RABGAP1L: variants seen among roughly 807,000 people sequenced by gnomAD.
RABGAP1L encodes the protein RAB GTPase activating protein 1 like.
In RABGAP1L, 63 loss-of-function variants were observed where a neutral mutation model predicts 137.7. The ratio of observed to expected loss-of-function variants is 0.46; its 90% CI spans 0.37 to 0.56. The LOEUF (loss-of-function observed/expected upper bound fraction) is 0.56. Ranked by LOEUF, RABGAP1L falls within the 20% of genes least tolerant of loss-of-function variation. The pLI is 0.00. For synonymous variants in RABGAP1L, 431 were observed against 433.7 expected, an observed-to-expected ratio of 0.99 and a Z score of 0.08; for missense variants, 1,095 against 1,244.0, an observed-to-expected ratio of 0.88 and a Z score of 1.80.
At chr1:174,688,561 A>T (rs1678646557) in intron 15 of RABGAP1L, among the ~76,000 whole-genome samples, 1 of 152,104 alleles carries the variant, frequency 6.6e-6, no homozygotes, top group Admixed American at 6.5e-5. Context: ...TCCTAGACGT[A>T]CCTTAGTCAA....
chr1:174,738,452 A>G (rs1430159368), intron 17 of RABGAP1L, among the ~76,000 whole-genome samples: 4 of 152,290 alleles, frequency 2.6e-5, no homozygotes, highest in Admixed American at 2.6e-4. Context: ...TGTAAAATAT[A>G]TAGAAATCAG....
intron 13 of RABGAP1L, among the ~76,000 whole-genome samples, chr1:174,453,514 T>C (rs1361643427): frequency 6.6e-6 from 1 of 152,226 alleles, no homozygotes; most frequent in Non-Finnish European, 1.5e-5. Flanking sequence ...TCTGCTGGTA[T>C]AACATTCTGA....
chr1:174,640,903 T>C (rs1294064083), intron 14 of RABGAP1L, among the ~76,000 whole-genome samples: 2 of 149,124 alleles, frequency 1.3e-5, no homozygotes, highest in Non-Finnish European at 3.0e-5. Context: ...AGCAACACAA[T>C]TGTAGGCCTT....
At chr1:174,291,317 C>T (rs1299290131) in intron 10 of RABGAP1L, among the ~76,000 whole-genome samples, 1 of 151,834 alleles carries the variant, frequency 6.6e-6, no homozygotes, top group Non-Finnish European at 1.5e-5. Flanking sequence ...AAAAGTCACC[C>T]TTGGTGATGA....
chr1:174,978,175 A>G (rs1045879879), intron 22 of RABGAP1L, among the ~76,000 whole-genome samples: 8 of 152,184 alleles, frequency 5.3e-5, no homozygotes, highest in Admixed American at 5.2e-4. Context: ...GGGCCACAAA[A>G]ATAACTGTGG....
chr1:174,369,463 C>T (rs1468174317), intron 11 of RABGAP1L, among the ~76,000 whole-genome samples: 1 of 152,178 alleles, frequency 6.6e-6, no homozygotes, highest in Non-Finnish European at 1.5e-5. Flanking sequence ...GGATTACAGG[C>T]CTGAGCCACT....
intron 13 of RABGAP1L, among the ~76,000 whole-genome samples, chr1:174,596,568 A>G (rs1201783593): frequency 6.6e-6 from 1 of 152,256 alleles, no homozygotes; most frequent in Admixed American, 6.5e-5. Context: ...TTGATTTTAT[A>G]TCCTGTAATT....
intron 13 of RABGAP1L, among the ~76,000 whole-genome samples, chr1:174,573,221 C>A (rs376535173): frequency 2.1e-5 from 3 of 143,886 alleles, no homozygotes; most frequent in African/African-American, 5.2e-5. Flanking sequence ...CATATATACA[C>A]ACTATATATG....
intron 14 of RABGAP1L, among the ~76,000 whole-genome samples, chr1:174,649,112 T>A (rs111474503): frequency 1.7e-4 from 26 of 152,096 alleles, no homozygotes; most frequent in Admixed American, 6.6e-5. Flanking sequence ...ATGAGATGGG[T>A]CTTCTGAATA....
intron 23 of RABGAP1L, 127 bp downstream of exon 23, chr1:174,979,017 A>C: frequency 7.8e-7 from 1 of 1,273,946 alleles, no homozygotes; most frequent in Non-Finnish European, 1.0e-6. Flanking sequence ...CATATCTACA[A>C]GGAAAAAAAA....
rs188308034 is a variant in RABGAP1L, at chr1:174,485,105, T to C, written c.1710+90960T>C. Among the ~76,000 whole-genome samples the C allele has an allele frequency of 1.1e-3, 162 of 152,314 alleles. No individual in the cohort carries two copies. In the East Asian group the frequency reaches 0.022, roughly 20 times the overall value. ...TTAATTCCTAGGTATTTAATTTTAT[T>C]TGCAGCTATTGTAAATAGGATTACT... On this transcript the variant is annotated intron_variant, in intron 13 of 25. Coordinates refer to ENST00000681986, the MANE Select transcript of RABGAP1L (RefSeq NM_001366446.1).
At chr1:174,676,217 G>T (rs1024531362) in intron 14 of RABGAP1L, among the ~76,000 whole-genome samples, 1 of 152,094 alleles carries the variant, frequency 6.6e-6, no homozygotes, top group Non-Finnish European at 1.5e-5. Context: ...GTATATTGTT[G>T]AGACTACATA....
chr1:174,972,183 A>T (rs1229456701), intron 21 of RABGAP1L, among the ~76,000 whole-genome samples: 1 of 152,246 alleles, frequency 6.6e-6, no homozygotes, highest in East Asian at 1.9e-4. Context: ...GGAACAAAAG[A>T]GAAGAGACAT....
At chr1:174,399,883 G>A (rs1219296950) in intron 13 of RABGAP1L, among the ~76,000 whole-genome samples, 1 of 152,102 alleles carries the variant, frequency 6.6e-6, no homozygotes, top group African/African-American at 2.4e-5. Context: ...TCCCTCCCAC[G>A]ACACATGAGG....
chr1:174,342,560 A>G (rs1682065006), intron 11 of RABGAP1L, among the ~76,000 whole-genome samples: 2 of 152,200 alleles, frequency 1.3e-5, no homozygotes, highest in South Asian at 4.1e-4. Flanking sequence ...GAAGATAAGC[A>G]GCTTTGTATT....
intron 18 of RABGAP1L, among the ~76,000 whole-genome samples, chr1:174,765,090 G>A (rs1013732644): frequency 6.6e-6 from 1 of 152,134 alleles, no homozygotes; most frequent in African/African-American, 2.4e-5. Flanking sequence ...TGCAACCGTA[G>A]GGCAGGAATT....
At chr1:174,989,562 C>T (rs561762561) in intron 25 of RABGAP1L, among the ~76,000 whole-genome samples, 3 of 152,134 alleles carry the variant, frequency 2.0e-5, no homozygotes, top group East Asian at 3.9e-4. Context: ...CCTGTTATAT[C>T]GGATTGCAAC....
In RABGAP1L at chr1:174,394,122, A is replaced by G. The variant is rs1433375372; in HGVS notation, c.1687A>G (p.Arg563Gly). The G allele has an allele frequency of 1.2e-6, 2 of 1,613,334 alleles. No individual in the cohort carries two copies. The highest frequency in any genetic ancestry group is 3.3e-5 in the Admixed American group (2 of 59,866). The change falls in exon 13 of 26, where the codon AGA becomes GGA. Residue 563 changes from arginine (R) to glycine (G), a missense_variant. Physicochemically the swap from Arg to Gly is moderately radical, Grantham distance 125. This residue lies in a region of RABGAP1L where 315 missense variants were observed against 324.8 expected (regional missense o/e 0.97). Coordinates refer to ENST00000681986, the MANE Select transcript of RABGAP1L (RefSeq NM_001366446.1). ...GCHDNQAMLD[R>G]YRILITKDSA... ...CCATGACAACCAGGCAATGCTGGAT[A>G]GATACCGAATTCTTATCACAAAGGT...
chr1:174,510,206 A>G (rs1432953807), intron 13 of RABGAP1L, among the ~76,000 whole-genome samples: 1 of 152,198 alleles, frequency 6.6e-6, no homozygotes, highest in Non-Finnish European at 1.5e-5. Context: ...CATACTCTAG[A>G]AAAATGGAAT....
Sources: gnomAD v4.1 joint callset for allele counts (sites outside exome capture counted in the v4.1 genomes callset) on GRCh38, gnomAD v4.1.1 for gene constraint, gnomAD v4.1.1 regional missense constraint, MANE v1.5 for transcripts, NCBI Gene and HGNC (gene_info 2026-07-23, HGNC 2026-07-21) for gene names.